PCDH19: variants seen among roughly 807,000 people sequenced by gnomAD.
The protein encoded by PCDH19 is protocadherin-19.
PCDH19 carries 6 observed loss-of-function variants against 46.2 expected under a neutral mutation model. The observed-to-expected ratio is 0.13, with a 90% CI of 0.07 to 0.26. PCDH19 has a LOEUF of 0.26. Among genes scored for constraint, PCDH19 ranks in the 10% least tolerant of loss-of-function variants. The pLI is 1.00. For missense variants in PCDH19, 740 were observed against 972.3 expected (o/e 0.76, Z 3.18); for synonymous variants, 481 against 415.7 (o/e 1.16, Z -1.91).
chrX:100,406,355 AT>A (rs1238706887), intron 1 of PCDH19, 95 bp downstream of exon 1: 2 of 695,129 alleles, frequency 2.9e-6, no homozygotes, highest in Non-Finnish European at 4.5e-6. Context: ...TGCTGCATGC[AT>A]TTAAGTAGGA....
At chrX:100,334,936 A>C (rs1926040618) in intron 5 of PCDH19, among the ~76,000 whole-genome samples, 1 of 110,743 alleles carries the variant, frequency 9.0e-6, no homozygotes, top group Admixed American at 9.7e-5. Flanking sequence ...ATAACACAAT[A>C]GCGTATCTAT....
chrX:100,386,425 G>A (rs750008446), intron 3 of PCDH19, among the ~76,000 whole-genome samples: 10 of 111,812 alleles, frequency 8.9e-5, no homozygotes, highest in Non-Finnish European at 1.3e-4. Flanking sequence ...CCTTGCTTTC[G>A]ATCTTCTTAT....
intron 5 of PCDH19, among the ~76,000 whole-genome samples, chrX:100,305,163 G>C (rs191869905): frequency 8.9e-6 from 1 of 112,095 alleles, no homozygotes; most frequent in East Asian, 2.8e-4. Context: ...AATCTTAAGA[G>C]CTGTCAGTCA....
intron 3 of PCDH19, among the ~76,000 whole-genome samples, chrX:100,359,578 G>A (rs1031627088): frequency 1.8e-5 from 2 of 111,326 alleles, no homozygotes; most frequent in African/African-American, 6.5e-5. Flanking sequence ...CTGACAATAA[G>A]AAACCCATAT....
chrX:100,363,356 A>AT lies in PCDH19; in HGVS notation c.2617-12653dup, dbSNP rs557501108. 1.5e-4 allele frequency among the ~76,000 whole-genome samples: 15 copies of AT among 102,673 alleles called. No individual in the cohort carries two copies. In the East Asian group the frequency reaches 2.4e-3, roughly 16 times the overall value. The allele number at this position is 102,673 out of a possible 115,157, so 89.2% of individuals were successfully genotyped here. On this transcript the variant is annotated intron_variant, in intron 3 of 5. Transcript: ENST00000373034. ...ATCTGTCCCAAATACCTTCTAGGGG[A>AT]TTTTTTTTTTTAGGACCAAATGTGC...
chrX:100,335,561 T>C (rs1164953048), intron 5 of PCDH19, among the ~76,000 whole-genome samples: 14 of 112,418 alleles, frequency 1.2e-4, no homozygotes, highest in Non-Finnish European at 1.9e-5. Flanking sequence ...TCTCTTGCTT[T>C]ACTGGCACAA....
At chrX:100,399,334 C>T (rs961650302) in intron 3 of PCDH19, among the ~76,000 whole-genome samples, 3 of 111,265 alleles carry the variant, frequency 2.7e-5, no homozygotes, top group Non-Finnish European at 3.8e-5. Context: ...ATGTTATTAT[C>T]CTAGCAATGG....
intron 5 of PCDH19, among the ~76,000 whole-genome samples, chrX:100,340,798 C>T (rs931051097): frequency 1.8e-5 from 2 of 111,914 alleles, no homozygotes; most frequent in Non-Finnish European, 3.8e-5. Context: ...TTCCTTTGGA[C>T]TTATTTCCAA....
chrX:100,328,242 C>A (rs1030968109), intron 5 of PCDH19, among the ~76,000 whole-genome samples: 1 of 111,466 alleles, frequency 9.0e-6, no homozygotes, highest in Non-Finnish European at 1.9e-5. Flanking sequence ...GACAGGTAAA[C>A]GAAAGCACAG....
intron 5 of PCDH19, among the ~76,000 whole-genome samples, chrX:100,324,000 C>T (rs918961461): frequency 9.0e-6 from 1 of 111,345 alleles, no homozygotes; most frequent in Non-Finnish European, 1.9e-5. Flanking sequence ...CTGGCTCCAA[C>T]GATGAAAGGA....
intron 3 of PCDH19, among the ~76,000 whole-genome samples, chrX:100,356,007 C>A (rs1321187030): frequency 1.8e-5 from 2 of 109,341 alleles, no homozygotes; most frequent in African/African-American, 6.7e-5. Flanking sequence ...GAGAAGGAAG[C>A]CCAATAAATG....
rs980382318 is a variant in PCDH19 at position 100,362,949 on chromosome X, A to G, written c.2617-12245T>C. On this transcript the variant is annotated intron_variant, in intron 3 of 5. Transcript: ENST00000373034. Reference sequence around the variant, plus strand: ...GATGAAAATAGAAAAAGTTCTTACTAGCTGTGTGCCCTTGCAGACATCATG... The same window carrying G: ...GATGAAAATAGAAAAAGTTCTTACTGGCTGTGTGCCCTTGCAGACATCATG... Among the ~76,000 whole-genome samples the G allele has an allele frequency of 6.3e-5, 7 of 111,685 alleles. No individual in the cohort carries two copies. The East Asian group carries it at 1.7e-3, about 27-fold the overall frequency.
At chrX:100,312,927 T>C (rs1857625954) in intron 5 of PCDH19, among the ~76,000 whole-genome samples, 1 of 110,861 alleles carries the variant, frequency 9.0e-6, no homozygotes, top group African/African-American at 3.3e-5. Context: ...ATTAAGACAC[T>C]CAGACACAGC....
At chrX:100,349,227 TG>T (rs1300819176) in intron 4 of PCDH19, among the ~76,000 whole-genome samples, 2 of 112,336 alleles carry the variant, frequency 1.8e-5, no homozygotes, top group Admixed American at 9.4e-5. Context: ...AGCAGATTTC[TG>T]CTACAAAGGC....
At chrX:100,403,838 T>C (rs1169784391) in intron 1 of PCDH19, among the ~76,000 whole-genome samples, 174 bp from the exon 2 acceptor site, 5 of 112,525 alleles carry the variant, frequency 4.4e-5, no homozygotes, top group Admixed American at 9.4e-5. Context: ...AAGAAATACA[T>C]TTAAATGTAG....
At chrX:100,333,117 GGAAGGAAGGAA>G (rs1232920934) in intron 5 of PCDH19, among the ~76,000 whole-genome samples, 1 of 14,272 alleles carries the variant, frequency 7.0e-5, no homozygotes, top group African/African-American at 2.2e-4. Context: ...AGGGAGGGAA[GGAAGGAAGGAA>G]GGAAGGAAGG....
Position 100,321,242 on chromosome X carries a change from A to G in PCDH19, c.2848+20661T>C, listed in dbSNP as rs181989012. Among the ~76,000 whole-genome samples the G allele has an allele frequency of 2.7e-5, 3 of 112,047 alleles. No individual in the cohort carries two copies. The East Asian group carries it at 8.4e-4, about 32-fold the overall frequency. The stretch of plus-strand genomic sequence containing the variant: ...CTGCTATAAACATGTGTGTGCAAGT[A>G]TCTTTTTCGTATGACGACTTCTTTT... On this transcript the variant is annotated intron_variant, in intron 5 of 5. Transcript: ENST00000373034.
At chrX:100,388,064 A>C (rs1927762764) in intron 3 of PCDH19, among the ~76,000 whole-genome samples, 1 of 111,238 alleles carries the variant, frequency 9.0e-6, no homozygotes, top group Non-Finnish European at 1.9e-5. Context: ...CAATGCAGAA[A>C]ATTTGGAAAA....
intron 3 of PCDH19, 95 bp downstream of exon 3, chrX:100,402,429 C>G: frequency 1.3e-6 from 1 of 758,725 alleles, no homozygotes; most frequent in East Asian, 3.4e-5. Flanking sequence ...CCACCCCTGC[C>G]AGGGGATGTG....
Sources: gnomAD v4.1 joint callset for allele counts (sites outside exome capture counted in the v4.1 genomes callset) on GRCh38, gnomAD v4.1.1 for gene constraint, MANE v1.5 for transcripts, NCBI Gene and HGNC (gene_info 2026-07-23, HGNC 2026-07-21) for gene names.